Variants in ZNF717 observed in about 807,000 individuals in gnomAD.
The protein encoded by ZNF717 is zinc finger protein 717.
A neutral mutation model predicts 13.8 loss-of-function variants in ZNF717; 9 were observed. The observed-to-expected ratio is 0.65, with a 90% CI of 0.39 to 1.14. The LOEUF (loss-of-function observed/expected upper bound fraction) is 1.14, where lower values mean the gene tolerates loss of function less well. Among genes scored for constraint, ZNF717 ranks in the 50% most tolerant of loss-of-function variants. The pLI, the probability that ZNF717 is intolerant of heterozygous loss-of-function variation, is 0.01. For missense variants in ZNF717, 1,040 were observed against 1,080.7 expected (o/e 0.96, Z 0.53); for synonymous variants, 327 against 364.1 (o/e 0.90, Z 1.16).
Position 75,738,331 on chromosome 3 carries a change from G to A in ZNF717, c.1292C>T (p.Ala431Val), listed in dbSNP as rs1379977338. 1.3e-6 allele frequency: 2 copies of A among 1,537,798 alleles called. No individual in the cohort carries two copies. The highest frequency in any genetic ancestry group is 5.0e-5 in the East Asian group (2 of 40,114). ...AGTAAGCCTTGACTTATGGCTAAAT[G>A]CTTCTTCACAATGGTCACATGCATA... ...KPYACDHCEE[A>V]FSHKSRLTVH... is the part of the protein sequence containing the mutation. The change falls in exon 5 of 5, where the codon GCA (alanine) becomes GTA (valine). Residue 431 changes from alanine (A) to valine (V), a missense_variant. This residue lies in a region of ZNF717 where 873 missense variants were observed against 832.8 expected (regional missense o/e 1.05). Transcript: ENST00000652011.
At chr3:75,711,917 T>C (rs1328717981) in intron 5 of ZNF717, among the ~76,000 whole-genome samples, 1 of 152,266 alleles carries the variant, frequency 6.6e-6, no homozygotes, top group Non-Finnish European at 1.5e-5. Context: ...AGGTCCTAAT[T>C]GACAATGAAA....
intron 1 of ZNF717, among the ~76,000 whole-genome samples, chr3:75,783,967 A>T (rs1286659644): frequency 1.3e-5 from 2 of 152,176 alleles, no homozygotes; most frequent in East Asian, 3.8e-4. Context: ...TTATGCTCTG[A>T]CAATAAATTG....
intron 2 of ZNF717, among the ~76,000 whole-genome samples, chr3:75,772,059 C>A (rs1294198660): frequency 6.6e-6 from 1 of 152,256 alleles, no homozygotes; most frequent in African/African-American, 2.4e-5. Flanking sequence ...TGAGGTGGGG[C>A]TAAGGATGGC....
downstream of ZNF717, among the ~76,000 whole-genome samples, chr3:75,728,530 T>C (rs1428457984): frequency 2.0e-5 from 3 of 152,236 alleles, no homozygotes; most frequent in Non-Finnish European, 4.4e-5. Context: ...TCCCCATGTG[T>C]CAAGGGTGGG....
intron 6 of ZNF717, among the ~76,000 whole-genome samples, chr3:75,704,104 C>CA (rs1253195671): frequency 2.0e-5 from 3 of 152,310 alleles, no homozygotes; most frequent in African/African-American, 7.2e-5. Context: ...AGTACATCTG[C>CA]ACCTTCCAAG....
chr3:75,773,559 T>C (rs76896795), intron 2 of ZNF717, among the ~76,000 whole-genome samples: 1 of 152,150 alleles, frequency 6.6e-6, no homozygotes, highest in Non-Finnish European at 1.5e-5. Flanking sequence ...AAGTGGCTCA[T>C]ATCTGTTTTG....
intron 2 of ZNF717, among the ~76,000 whole-genome samples, chr3:75,762,467 A>G (rs967727216): frequency 1.3e-5 from 2 of 151,552 alleles, no homozygotes; most frequent in African/African-American, 4.9e-5. Context: ...AAAGAATTAC[A>G]TTTACAACAG....
At chr3:75,766,278 TA>T (rs1372892058) in intron 2 of ZNF717, among the ~76,000 whole-genome samples, 1 of 151,946 alleles carries the variant, frequency 6.6e-6, no homozygotes, top group Non-Finnish European at 1.5e-5. Flanking sequence ...AGACACAATT[TA>T]AACACAAAGA....
rs1939495153 is a variant in ZNF717, at chr3:75,737,526, C to T, written c.2097G>A (p.Gly699=). Residue 699 remains glycine, a synonymous_variant, in exon 5 of 5, where the codon GGG becomes GGA. Coordinates refer to ENST00000652011, the MANE Select transcript of ZNF717 (RefSeq NM_001290208.3). ...CATTCATTACATTCATAGGGCTTTTCCCCGGTGTGAGTTCTCTGATGTATA... is the reference window on the plus strand; with the variant it reads ...CATTCATTACATTCATAGGGCTTTTTCCCGGTGTGAGTTCTCTGATGTATA... ...TLLYIRELTP[G]KSPMNVMNVE... 4 of 1,553,772 alleles carry T rather than the reference C, an allele frequency of 2.6e-6. No individual in the cohort carries two copies. The highest frequency in any genetic ancestry group is 3.5e-6 in the Non-Finnish European group (4 of 1,148,240).
intron 2 of ZNF717, among the ~76,000 whole-genome samples, chr3:75,754,735 G>A (rs1942322062): frequency 1.3e-5 from 2 of 152,148 alleles, no homozygotes; most frequent in African/African-American, 4.8e-5. Context: ...GTGAAACAGG[G>A]TAATGAGAAT....
chr3:75,775,532 A>C (rs1159798307), intron 2 of ZNF717, among the ~76,000 whole-genome samples: 3 of 152,182 alleles, frequency 2.0e-5, no homozygotes, highest in Non-Finnish European at 4.4e-5. Flanking sequence ...AAGTTCCCCG[A>C]TTCCCCAAGA....
chr3:75,723,718 C>A (rs1388456569), intron 4 of ZNF717, among the ~76,000 whole-genome samples: 3 of 152,278 alleles, frequency 2.0e-5, no homozygotes, highest in Middle Eastern at 3.4e-3. Flanking sequence ...AGCGGTAACA[C>A]CAGCGCCTGG....
intron 2 of ZNF717, among the ~76,000 whole-genome samples, chr3:75,755,655 G>A (rs535780788): frequency 8.3e-4 from 127 of 152,288 alleles, no homozygotes; most frequent in African/African-American, 2.8e-3. Context: ...AGTGTTATAT[G>A]AAAGTGGACT....
intron 2 of ZNF717, among the ~76,000 whole-genome samples, chr3:75,766,208 C>T (rs1652924902): frequency 6.6e-6 from 1 of 152,216 alleles, no homozygotes; most frequent in Admixed American, 6.5e-5. Flanking sequence ...AAATACTCTA[C>T]TTAAGACAGA....
At chr3:75,761,081 G>GC (rs1434765240) in intron 2 of ZNF717, among the ~76,000 whole-genome samples, 1 of 152,132 alleles carries the variant, frequency 6.6e-6, no homozygotes, top group Non-Finnish European at 1.5e-5. Flanking sequence ...CCACCATACT[G>GC]CATCATGGAG....
At chr3:75,780,591 G>A (rs1001447355) in intron 2 of ZNF717, among the ~76,000 whole-genome samples, 5 of 152,156 alleles carry the variant, frequency 3.3e-5, no homozygotes, top group East Asian at 3.9e-4. Context: ...TAGTAGAGAC[G>A]GGGTTTCACC....
chr3:75,759,434 C>A (rs1466236933), intron 2 of ZNF717, among the ~76,000 whole-genome samples: 1 of 151,958 alleles, frequency 6.6e-6, no homozygotes, highest in Admixed American at 6.6e-5. Flanking sequence ...CGCCACAACG[C>A]CCCGCTAATT....
At chr3:75,714,413 A>G (rs966368256) in intron 5 of ZNF717, among the ~76,000 whole-genome samples, 3 of 152,054 alleles carry the variant, frequency 2.0e-5, no homozygotes, top group African/African-American at 7.2e-5. Flanking sequence ...CTATCTCTGT[A>G]TGGTCTGGTT....
chr3:75,754,351 C>CAAAAAAAGA, intron 2 of ZNF717, among the ~76,000 whole-genome samples: 1 of 148,500 alleles, frequency 6.7e-6, no homozygotes. Context: ...TACTAAAAGG[C>CAAAAAAAGA]AAAAAAATAA....
Sources: allele counts gnomAD v4.1 joint callset (sites outside exome capture counted in the v4.1 genomes callset), GRCh38; gene constraint gnomAD v4.1.1; regional missense constraint gnomAD v4.1.1; transcripts MANE v1.5; gene names NCBI Gene and HGNC (gene_info 2026-07-23, HGNC 2026-07-21).